The following STT3B variants were observed in gnomAD, a reference collection of about 807,000 sequenced individuals.
STT3B encodes STT3 oligosaccharyltransferase complex catalytic subunit B, also known as dolichyl-diphosphooligosaccharide--protein glycosyltransferase subunit STT3B.
STT3B carries 29 observed loss-of-function variants against 96.8 expected under a neutral mutation model. That is an observed-to-expected ratio of 0.30 (90% CI 0.22 to 0.41). STT3B has a LOEUF of 0.41. Among genes scored for constraint, STT3B ranks in the 10% least tolerant of loss-of-function variants. The probability of loss-of-function intolerance (pLI) is 1.00; values close to 1 mark genes in which losing one functional copy is unlikely to be tolerated. For missense variants in STT3B, 640 were observed against 1,022.3 expected (o/e 0.63, Z 5.10); for synonymous variants, 367 against 360.0 (o/e 1.02, Z -0.22).
chr3:31,636,046 A>G lies in STT3B; in HGVS notation c.2463A>G (p.Ile821Met), dbSNP rs1699749150. 2 of 1,609,132 alleles carry G rather than the reference A, an allele frequency of 1.2e-6. No individual in the cohort carries two copies. Among genetic ancestry groups the G allele is most frequent in the East Asian group, 2.2e-5 (1 of 44,766 alleles). The stretch of plus-strand genomic sequence containing the variant: ...TGGTTTTTAAGAAAGGCAAGAAAAT[A>G]TCTAAGAAGACTGTTTAAATGCACT... Reference protein sequence around the residue: ...NKLVFKKGKKISKKTV With the variant: ...NKLVFKKGKKMSKKTV Residue 821 changes from isoleucine to methionine, a missense_variant, in exon 16 of 16, where the codon ATA becomes ATG. This residue lies in a region of STT3B where 51 missense variants were observed against 64.2 expected (regional missense o/e 0.79). Transcript: ENST00000295770.
chr3:31,609,582 T>C (rs1025653352), intron 5 of STT3B, among the ~76,000 whole-genome samples: 13 of 152,058 alleles, frequency 8.5e-5, no homozygotes, highest in Admixed American at 2.0e-4. Flanking sequence ...AGTTTGTTTT[T>C]TTGTTTTTTT....
At chr3:31,539,463 G>A (rs1242169804) in intron 1 of STT3B, among the ~76,000 whole-genome samples, 1 of 152,090 alleles carries the variant, frequency 6.6e-6, no homozygotes, top group Non-Finnish European at 1.5e-5. Flanking sequence ...AAGAATTGAA[G>A]GATACAGATC....
intron 1 of STT3B, among the ~76,000 whole-genome samples, chr3:31,541,664 C>A (rs1330920072): frequency 1.3e-5 from 2 of 152,044 alleles, no homozygotes; most frequent in African/African-American, 2.4e-5. Context: ...GCAAGCTCCA[C>A]CTCTTGGGTT....
chr3:31,616,425 A>G (rs993360029), intron 6 of STT3B, among the ~76,000 whole-genome samples: 1 of 151,990 alleles, frequency 6.6e-6, no homozygotes. Flanking sequence ...ATAATTTGGC[A>G]TGAGCCCTGA....
At position 31,567,011 on chromosome 3, in the gene STT3B, T is replaced by C. The variant is rs139931384; in HGVS notation, c.315-9385T>C. On this transcript the variant is annotated intron_variant, in intron 1 of 15. Coordinates refer to ENST00000295770, the MANE Select transcript of STT3B (RefSeq NM_178862.3). ...CCTTTAGAGGCACATTTTTCTAATATCTTGTCATGCAAGACTTCCTGGGAT... is the reference window on the plus strand; with the variant it reads ...CCTTTAGAGGCACATTTTTCTAATACCTTGTCATGCAAGACTTCCTGGGAT... Among the ~76,000 whole-genome samples the C allele has an allele frequency of 1.2e-3, 187 of 152,314 alleles. 1 individual carries two copies. The highest frequency in any genetic ancestry group is 6.8e-3 in the Middle Eastern group (2 of 294).
intron 1 of STT3B, among the ~76,000 whole-genome samples, chr3:31,571,127 A>G (rs1301616725): frequency 6.6e-6 from 1 of 152,130 alleles, no homozygotes; most frequent in Non-Finnish European, 1.5e-5. Context: ...AAAATTACAT[A>G]GGTATTGCTA....
chr3:31,588,651 A>G (rs1698599781), intron 3 of STT3B, among the ~76,000 whole-genome samples: 1 of 152,128 alleles, frequency 6.6e-6, no homozygotes, highest in Admixed American at 6.6e-5. Flanking sequence ...GTTGCACTTT[A>G]CATTCATGTC....
At position 31,533,240 on chromosome 3, in the gene STT3B, G is replaced by T; in HGVS notation, c.242G>T (p.Trp81Leu). 6.7e-7 allele frequency: 1 copy of T among 1,501,814 alleles called. No individual in the cohort carries two copies. Among genetic ancestry groups the T allele is most frequent in the Non-Finnish European group, 8.9e-7 (1 of 1,123,926 alleles). The allele number at this position is 1,501,814 out of a possible 1,614,324, so 93.0% of individuals were successfully genotyped here. ...TCCTTCACCATCCTCTTCCTGGCCT[G>T]GCTTGCCGGCTTCAGCTCGCGCCTC... ...LLSFTILFLA[W>L]LAGFSSRLFA... Residue 81 changes from tryptophan to leucine, a missense_variant, in exon 1 of 16, where the codon TGG becomes TTG. By Grantham distance (61) the Trp-to-Leu change is moderately conservative (BLOSUM62 -2). Transcript: ENST00000295770.
chr3:31,540,744 T>TG (rs1192650040), intron 1 of STT3B, among the ~76,000 whole-genome samples: 5 of 152,236 alleles, frequency 3.3e-5, no homozygotes, highest in Admixed American at 6.5e-5. Context: ...TTGCCCATAC[T>TG]GTTAAAAAAA....
chr3:31,582,435 C>T (rs1351751658), intron 3 of STT3B, among the ~76,000 whole-genome samples: 2 of 151,872 alleles, frequency 1.3e-5, no homozygotes, highest in Non-Finnish European at 2.9e-5. Flanking sequence ...GCTGGGACTA[C>T]AGGCGCCTGC....
intron 13 of STT3B, among the ~76,000 whole-genome samples, chr3:31,627,030 C>T (rs546270534): frequency 1.1e-4 from 17 of 152,250 alleles, no homozygotes; most frequent in African/African-American, 3.1e-4. Context: ...ACCTTCCCTA[C>T]CACAGACTTG....
At chr3:31,635,650 AT>A (rs1232741893) in intron 15 of STT3B, among the ~76,000 whole-genome samples, 1 of 152,142 alleles carries the variant, frequency 6.6e-6, no homozygotes, top group African/African-American at 2.4e-5. Flanking sequence ...ACCATTTCTG[AT>A]TCCTTAGTCT....
At chr3:31,599,259 A>G (rs1327522568) in intron 4 of STT3B, among the ~76,000 whole-genome samples, 1 of 151,964 alleles carries the variant, frequency 6.6e-6, no homozygotes, top group Non-Finnish European at 1.5e-5. Context: ...TTTCTTTTTA[A>G]ACAAATGTCA....
intron 1 of STT3B, among the ~76,000 whole-genome samples, chr3:31,537,885 G>A (rs546260416): frequency 1.1e-4 from 16 of 151,994 alleles, no homozygotes; most frequent in Middle Eastern, 6.8e-3. Context: ...CTTAGTATTC[G>A]TCTGTGCACA....
chr3:31,620,549 C>T (rs1248612716), intron 9 of STT3B, among the ~76,000 whole-genome samples: 1 of 152,058 alleles, frequency 6.6e-6, no homozygotes, highest in Non-Finnish European at 1.5e-5. Flanking sequence ...ACTAAACATC[C>T]TCTTCATTGA....
chr3:31,578,415 G>T (rs1698304983), intron 2 of STT3B, among the ~76,000 whole-genome samples: 1 of 151,840 alleles, frequency 6.6e-6, no homozygotes, highest in Non-Finnish European at 1.5e-5. Context: ...TTTTTTTGTT[G>T]TTGGGGTTTT....
chr3:31,600,140 C>T (rs949946179), intron 4 of STT3B, among the ~76,000 whole-genome samples: 7 of 152,038 alleles, frequency 4.6e-5, no homozygotes, highest in African/African-American at 9.6e-5. Flanking sequence ...TTCTCCAGTG[C>T]GTTTGGAAAA....
At chr3:31,625,802 C>T in intron 12 of STT3B, 152 bp from the exon 13 acceptor site, 1 of 612,898 alleles carries the variant, frequency 1.6e-6, no homozygotes, top group Non-Finnish European at 2.7e-6. Context: ...AATTCCAATG[C>T]ATTTGTTGAA....
intron 6 of STT3B, 44 bp downstream of exon 6, chr3:31,615,247 C>A: frequency 7.1e-7 from 1 of 1,408,604 alleles, no homozygotes; most frequent in Non-Finnish European, 9.9e-7. Context: ...AATATGTGGA[C>A]GTGTGATTGG....
Sources: gnomAD v4.1 joint callset for allele counts (sites outside exome capture counted in the v4.1 genomes callset) on GRCh38, gnomAD v4.1.1 for gene constraint, gnomAD v4.1.1 regional missense constraint, MANE v1.5 for transcripts, NCBI Gene and HGNC (gene_info 2026-07-23, HGNC 2026-07-21) for gene names.